COL4A5: variants seen among roughly 807,000 people sequenced by gnomAD.
The protein encoded by COL4A5 is collagen type IV alpha 5 chain.
Under a neutral mutation model 130.2 loss-of-function variants are expected in COL4A5, and 26 were observed. The ratio of observed to expected loss-of-function variants is 0.20; its 90% CI spans 0.15 to 0.28. The LOEUF (loss-of-function observed/expected upper bound fraction) is 0.28, where lower values mean the gene tolerates loss of function less well. COL4A5 is among the 10% of genes least tolerant of loss of function. The pLI, the probability that COL4A5 is intolerant of heterozygous loss-of-function variation, is 1.00. For synonymous variants in COL4A5, 496 were observed against 439.6 expected, an observed-to-expected ratio of 1.13 and a Z score of -1.60; for missense variants, 1,131 against 1,344.3, an observed-to-expected ratio of 0.84 and a Z score of 2.48.
In COL4A5 at chrX:108,446,714, C is replaced by T. The variant is rs529318546; in HGVS notation, c.81+6508C>T. ...TTAAACCAAGGCTCTAGAACCTGCT[C>T]ATGAGATTCTCCTCAATCCCTATTT... On this transcript the variant is annotated intron_variant, in intron 1 of 52. Transcript: ENST00000328300. Among the ~76,000 whole-genome samples the T allele has an allele frequency of 1.7e-4, 19 of 111,929 alleles. No homozygotes were observed. In the East Asian group the frequency reaches 2.5e-3, roughly 15 times the overall value.
At chrX:108,631,347 G>A (rs1385553505) in intron 36 of COL4A5, among the ~76,000 whole-genome samples, 1 of 111,115 alleles carries the variant, frequency 9.0e-6, no homozygotes, top group East Asian at 2.8e-4. Context: ...GTGGTTTGTA[G>A]TTCTCCTTGA....
intron 1 of COL4A5, among the ~76,000 whole-genome samples, chrX:108,444,288 C>T (rs988355525): frequency 9.3e-6 from 1 of 107,442 alleles, no homozygotes; most frequent in African/African-American, 3.4e-5. Context: ...GCGATGATCT[C>T]GGCTCACTGC....
chrX:108,633,233 C>A (rs2067298924), intron 36 of COL4A5, among the ~76,000 whole-genome samples: 1 of 110,722 alleles, frequency 9.0e-6, no homozygotes, highest in Non-Finnish European at 1.9e-5. Context: ...GGCTTGAGGC[C>A]TGTCACATAG....
At chrX:108,659,268 T>A (rs776637390) in intron 37 of COL4A5, among the ~76,000 whole-genome samples, 3 of 111,507 alleles carry the variant, frequency 2.7e-5, no homozygotes, top group Admixed American at 9.6e-5. Context: ...ACATATTTTG[T>A]ATGATTTAAC....
intron 1 of COL4A5, among the ~76,000 whole-genome samples, chrX:108,475,300 G>A (rs2064821229): frequency 9.0e-6 from 1 of 110,637 alleles, no homozygotes; most frequent in East Asian, 2.8e-4. Flanking sequence ...AGTAGTAGTA[G>A]TATTAGTAGT....
intron 6 of COL4A5, chrX:108,569,107 T>C (rs902671512): frequency 8.2e-6 from 2 of 243,600 alleles, no homozygotes; most frequent in Non-Finnish European, 1.5e-5. Context: ...TTAGGATATA[T>C]ATGTTTCAAA....
At chrX:108,478,281 T>G (rs770887755) in intron 1 of COL4A5, among the ~76,000 whole-genome samples, 56 of 111,401 alleles carry the variant, frequency 5.0e-4, no homozygotes, top group Non-Finnish European at 9.2e-4. Context: ...TACGGTTTAA[T>G]GGAATTGTTG....
At chrX:108,574,084 G>A (rs773757691) in intron 9 of COL4A5, among the ~76,000 whole-genome samples, 6 of 111,856 alleles carry the variant, frequency 5.4e-5, no homozygotes, top group Non-Finnish European at 1.1e-4. Flanking sequence ...TATGCATGGT[G>A]AACATCAAAT....
chrX:108,670,822 A>T (rs1261674225), intron 42 of COL4A5: 5 of 247,941 alleles, frequency 2.0e-5, no homozygotes. Flanking sequence ...CGGGTGGATC[A>T]CCTGAGATCA....
At chrX:108,473,239 C>G (rs1410939847) in intron 1 of COL4A5, among the ~76,000 whole-genome samples, 2 of 111,188 alleles carry the variant, frequency 1.8e-5, no homozygotes, top group Non-Finnish European at 3.8e-5. Context: ...ATACTACACT[C>G]TTACCATTAT....
At position 108,505,632 on chromosome X, in the gene COL4A5, C is replaced by T. The variant is rs184354623; in HGVS notation, c.82-34114C>T. Among the ~76,000 whole-genome samples, 20 of 111,754 alleles carry T rather than the reference C, an allele frequency of 1.8e-4. No homozygotes were observed. The East Asian group carries it at 4.3e-3, about 24-fold the overall frequency. ...TCACTCACTCCCTGCCATGTAAAGA[C>T]GCAGCAGGAAAGCAGGCATCTGCAA... On this transcript the variant is annotated intron_variant, in intron 1 of 52. Transcript: ENST00000328300.
At chrX:108,601,848 G>C in intron 26 of COL4A5, 37 bp from the exon 27 acceptor site, 1 of 863,297 alleles carries the variant, frequency 1.2e-6, no homozygotes. Context: ...TTCTTTCTTT[G>C]AACGTTTTCC....
At chrX:108,665,622 A>G in intron 38 of COL4A5, 35 bp downstream of exon 38, 1 of 987,397 alleles carries the variant, frequency 1.0e-6, no homozygotes, top group Non-Finnish European at 1.4e-6. Context: ...CTGTTTTATA[A>G]AACTAATGTT....
chrX:108,671,532 G>T (rs1202722279), intron 42 of COL4A5, among the ~76,000 whole-genome samples: 1 of 111,420 alleles, frequency 9.0e-6, no homozygotes, highest in Non-Finnish European at 1.9e-5. Context: ...TTTTATTCAG[G>T]ACTATTGCAG....
intron 18 of COL4A5, among the ~76,000 whole-genome samples, chrX:108,585,709 ATTTAATTTATTT>A (rs2066324850): frequency 9.0e-6 from 1 of 111,487 alleles, no homozygotes; most frequent in African/African-American, 3.2e-5. Context: ...ATTTGTTAAT[ATTTAATTTATTT>A]AATATTAAGT....
chrX:108,510,422 A>G (rs1184450050), intron 1 of COL4A5, among the ~76,000 whole-genome samples: 1 of 111,723 alleles, frequency 9.0e-6, no homozygotes, highest in Non-Finnish European at 1.9e-5. Flanking sequence ...CCATATATAT[A>G]GACTTCTGGT....
intron 1 of COL4A5, among the ~76,000 whole-genome samples, chrX:108,528,304 G>A (rs979785111): frequency 1.3e-4 from 15 of 111,983 alleles, no homozygotes; most frequent in African/African-American, 4.5e-4. Flanking sequence ...AGAGACTATA[G>A]CACTATGAAC....
chrX:108,553,662 A>G (rs773024328), intron 2 of COL4A5, among the ~76,000 whole-genome samples: 1 of 112,182 alleles, frequency 8.9e-6, no homozygotes, highest in Non-Finnish European at 1.9e-5. Context: ...AAAATGATCT[A>G]CACAGTTTGG....
intron 43 of COL4A5, among the ~76,000 whole-genome samples, chrX:108,676,304 G>T (rs972497495): frequency 9.0e-6 from 1 of 111,241 alleles, no homozygotes; most frequent in African/African-American, 3.3e-5. Context: ...CTAACTATTG[G>T]CTGTTCATTA....
Sources: gnomAD v4.1 joint callset for allele counts (sites outside exome capture counted in the v4.1 genomes callset) on GRCh38, gnomAD v4.1.1 for gene constraint, MANE v1.5 for transcripts, NCBI Gene and HGNC (gene_info 2026-07-23, HGNC 2026-07-21) for gene names.